DPF3: variants seen among roughly 807,000 people sequenced by gnomAD.
DPF3 encodes double PHD fingers 3.
In DPF3, 18 loss-of-function variants were observed where a neutral mutation model predicts 56.8. That is an observed-to-expected ratio of 0.32 (90% CI 0.22 to 0.47). The LOEUF is 0.47. DPF3 is among the 20% of genes least tolerant of loss of function. The probability of loss-of-function intolerance (pLI) is 1.00; values close to 1 mark genes in which losing one functional copy is unlikely to be tolerated. For missense variants in DPF3, 403 were observed against 488.8 expected (o/e 0.82, Z 1.65); for synonymous variants, 188 against 180.2 (o/e 1.04, Z -0.35).
At chr14:72,648,568 A>AG (rs1885796138) in intron 8 of DPF3, among the ~76,000 whole-genome samples, 1 of 135,856 alleles carries the variant, frequency 7.4e-6, no homozygotes, top group Non-Finnish European at 1.6e-5. Flanking sequence ...GTCTCAAAAA[A>AG]GAAAAAAAAA....
At chr14:72,696,836 C>T (rs138709626) in intron 6 of DPF3, among the ~76,000 whole-genome samples, 58 of 152,338 alleles carry the variant, frequency 3.8e-4, no homozygotes, top group African/African-American at 1.3e-3. Flanking sequence ...TTGGGCTCCA[C>T]CCCAGACTGA....
At chr14:72,689,561 C>T (rs1045557985) in intron 7 of DPF3, among the ~76,000 whole-genome samples, 11 of 152,142 alleles carry the variant, frequency 7.2e-5, no homozygotes, top group Admixed American at 6.5e-4. Flanking sequence ...GCACACAGCC[C>T]CAGTAGCATT....
intron 1 of DPF3, among the ~76,000 whole-genome samples, chr14:72,877,260 C>T (rs188238189): frequency 6.6e-6 from 1 of 152,184 alleles, no homozygotes; most frequent in Non-Finnish European, 1.5e-5. Flanking sequence ...TACAGTAGAG[C>T]CTGGAGGAGA....
intron 6 of DPF3, among the ~76,000 whole-genome samples, chr14:72,697,703 G>A (rs144101868): frequency 6.6e-6 from 1 of 152,296 alleles, no homozygotes; most frequent in East Asian, 1.9e-4. Context: ...GCAGAATATG[G>A]ATTTGAAGGT....
At chr14:72,856,830 C>T (rs910485347) in intron 1 of DPF3, among the ~76,000 whole-genome samples, 12 of 152,198 alleles carry the variant, frequency 7.9e-5, no homozygotes, top group African/African-American at 2.9e-4. Flanking sequence ...GAGAGTCCAG[C>T]GCGGCCCCTG....
intron 8 of DPF3, among the ~76,000 whole-genome samples, chr14:72,660,082 G>T (rs1886160884): frequency 6.6e-6 from 1 of 152,176 alleles, no homozygotes; most frequent in African/African-American, 2.4e-5. Flanking sequence ...ATGGTACAGA[G>T]TTTCAGTTGG....
chr14:72,720,156 T>C (rs1387752913), intron 5 of DPF3, among the ~76,000 whole-genome samples: 1 of 152,054 alleles, frequency 6.6e-6, no homozygotes, highest in Non-Finnish European at 1.5e-5. Context: ...ATGGGCATAG[T>C]TGTTCTCCAG....
chr14:72,613,010 G>GTC lies in DPF3; in HGVS notation c.*6286_*6287insGA, dbSNP rs1164920496. Among the ~76,000 whole-genome samples the GTC allele has an allele frequency of 1.3e-5, 2 of 151,828 alleles. No individual in the cohort carries two copies. Among genetic ancestry groups the GTC allele is most frequent in the African/African-American group, 4.8e-5 (2 of 41,296 alleles). ...AAGTAGGGCGTGTGTGTGTGTGTGT[G>GTC]TGTGTGTGTGTGTGTGTGTGTATGT... On this transcript the variant is annotated 3_prime_UTR_variant, in exon 11 of 11. Transcript: ENST00000556509.
intron 3 of DPF3, among the ~76,000 whole-genome samples, chr14:72,738,184 C>G (rs1355463177): frequency 1.3e-5 from 2 of 152,138 alleles, no homozygotes; most frequent in African/African-American, 4.8e-5. Flanking sequence ...AAGATGGTGG[C>G]AGGCCCAGGG....
At chr14:72,855,100 A>AG (rs1885126205) in intron 1 of DPF3, among the ~76,000 whole-genome samples, 1 of 152,200 alleles carries the variant, frequency 6.6e-6, no homozygotes, top group South Asian at 2.1e-4. Flanking sequence ...AACAGGTAGG[A>AG]GGGGTGGAGA....
chr14:72,795,305 T>C (rs1194241883), intron 1 of DPF3, among the ~76,000 whole-genome samples: 1 of 144,424 alleles, frequency 6.9e-6, no homozygotes, highest in Non-Finnish European at 1.5e-5. Context: ...AATATATATA[T>C]ATATATATAT....
Position 72,617,331 on chromosome 14 carries a change from TAGCCTTTGGAGAC to T in DPF3, c.*1953_*1965del, listed in dbSNP as rs1884148237. 6.6e-6 allele frequency among the ~76,000 whole-genome samples: 1 copy of T among 152,156 alleles called. No homozygotes were observed. The highest frequency in any genetic ancestry group is 1.5e-5 in the Non-Finnish European group (1 of 68,018). On this transcript the variant is annotated 3_prime_UTR_variant, in exon 11 of 11. Transcript: ENST00000556509. ...TAAAATGACGCTCAAAACCAATTAT[TAGCCTTTGGAGAC>T]AGCCTGCTTTGGGTTTTGTGGGAAG...
At chr14:72,662,961 G>A (rs2153569445) in intron 8 of DPF3, 1 of 653,480 alleles carries the variant, frequency 1.5e-6, no homozygotes, top group Non-Finnish European at 1.9e-6. Flanking sequence ...GAAGAAGAAA[G>A]AAAGAAAACC....
intron 6 of DPF3, among the ~76,000 whole-genome samples, chr14:72,702,181 C>T (rs1419771912): frequency 1.3e-5 from 2 of 152,144 alleles, no homozygotes; most frequent in Non-Finnish European, 2.9e-5. Flanking sequence ...CCTCCCCACC[C>T]ACCCCAACGG....
At chr14:72,671,493 GA>G in intron 8 of DPF3, 1 of 1,076,004 alleles carries the variant, frequency 9.3e-7, no homozygotes, top group Admixed American at 1.7e-5. Context: ...TGGTGACGGG[GA>G]TTTGGGACAA....
chr14:72,850,791 G>A (rs557349465), intron 1 of DPF3, among the ~76,000 whole-genome samples: 7 of 144,220 alleles, frequency 4.9e-5, no homozygotes, highest in South Asian at 2.4e-4. Flanking sequence ...CTGGTGGGGC[G>A]TGTGTGCATG....
chr14:72,879,897 C>T (rs572977815), intron 1 of DPF3: 7 of 1,524,516 alleles, frequency 4.6e-6, no homozygotes, highest in African/African-American at 2.8e-5. Flanking sequence ...CATCTATATG[C>T]GTGTTTTCCG....
chr14:72,704,770 C>T (rs898650986), intron 6 of DPF3, among the ~76,000 whole-genome samples: 1 of 152,164 alleles, frequency 6.6e-6, no homozygotes, highest in Non-Finnish European at 1.5e-5. Context: ...GTCATCACTG[C>T]CACCTCCCTC....
At chr14:72,778,723 C>G (rs879903123) in intron 1 of DPF3, among the ~76,000 whole-genome samples, 1 of 152,172 alleles carries the variant, frequency 6.6e-6, no homozygotes, top group Non-Finnish European at 1.5e-5. Context: ...CTGGACATGA[C>G]TGAGGAAGTG....
Sources: allele counts gnomAD v4.1 joint callset (sites outside exome capture counted in the v4.1 genomes callset), GRCh38; gene constraint gnomAD v4.1.1; transcripts MANE v1.5; gene names NCBI Gene and HGNC (gene_info 2026-07-23, HGNC 2026-07-21).